The following SPPL3 variants were observed in gnomAD, a reference collection of about 807,000 sequenced individuals.
SPPL3 encodes signal peptide peptidase like 3, also known as signal peptide peptidase-like 3.
A neutral mutation model predicts 42.4 loss-of-function variants in SPPL3; 5 were observed. The ratio of observed to expected loss-of-function variants is 0.12; its 90% CI spans 0.06 to 0.25. SPPL3 has a LOEUF of 0.25. Among genes scored for constraint, SPPL3 ranks in the 10% least tolerant of loss-of-function variants. The probability of loss-of-function intolerance (pLI) is 1.00; values close to 1 mark genes in which losing one functional copy is unlikely to be tolerated. For missense variants in SPPL3, 235 were observed against 489.0 expected, an observed-to-expected ratio of 0.48 and a Z score of 4.90; for synonymous variants, 195 against 181.8, an observed-to-expected ratio of 1.07 and a Z score of -0.58.
At chr12:120,803,699 C>T (rs905176026) in intron 2 of SPPL3, among the ~76,000 whole-genome samples, 1 of 152,052 alleles carries the variant, frequency 6.6e-6, no homozygotes, top group Admixed American at 6.6e-5. Context: ...TCCTAGAAAA[C>T]TTACAGTGGT....
chr12:120,788,221 G>A (rs1190637759), intron 3 of SPPL3, among the ~76,000 whole-genome samples: 1 of 152,224 alleles, frequency 6.6e-6, no homozygotes, highest in East Asian at 1.9e-4. Flanking sequence ...TGGTGGGCAT[G>A]TAGTGCTTTT....
intron 1 of SPPL3, chr12:120,845,374 C>T (rs1871988711): frequency 1.6e-5 from 6 of 365,634 alleles, no homozygotes; most frequent in South Asian, 1.4e-4. Context: ...TCTGTCAGTG[C>T]TGTCCACTAC....
chr12:120,889,402 C>T (rs1162757012), intron 1 of SPPL3, among the ~76,000 whole-genome samples: 3 of 152,206 alleles, frequency 2.0e-5, no homozygotes, highest in Admixed American at 6.5e-5. Context: ...GGCTCCTTGA[C>T]TTTGGCTTCA....
At chr12:120,860,519 AG>A (rs1872592290) in intron 1 of SPPL3, among the ~76,000 whole-genome samples, 1 of 152,232 alleles carries the variant, frequency 6.6e-6, no homozygotes, top group African/African-American at 2.4e-5. Context: ...ATCCATGTCA[AG>A]GTAAGTGCAA....
intron 6 of SPPL3, among the ~76,000 whole-genome samples, chr12:120,781,947 A>C (rs1363010406): frequency 2.6e-5 from 4 of 151,216 alleles, no homozygotes; most frequent in Admixed American, 2.6e-4. Flanking sequence ...GCATGATCAT[A>C]GCTCTCTGTA....
intron 6 of SPPL3, 102 bp downstream of exon 6, chr12:120,782,553 A>G (rs1034199184): frequency 6.5e-6 from 6 of 923,668 alleles, no homozygotes; most frequent in Non-Finnish European, 9.7e-6. Flanking sequence ...AAATGCTCTA[A>G]AAGTTTATTG....
intron 1 of SPPL3, among the ~76,000 whole-genome samples, chr12:120,865,103 T>C (rs1446479529): frequency 6.6e-6 from 1 of 152,166 alleles, no homozygotes; most frequent in Admixed American, 6.5e-5. Context: ...TCCAGGGAAA[T>C]AGGGGCCACA....
In SPPL3 at chr12:120,782,673, G is replaced by T; in HGVS notation, c.484C>A (p.His162Asn). The change falls in exon 6 of 11, where the codon CAT becomes AAT. Residue 162 changes from histidine to asparagine, a missense_variant. His to Asn is a moderately conservative substitution (Grantham distance 68). Around this residue, in one of 6 missense-constraint regions of SPPL3, gnomAD observed 18 missense variants for 86.9 expected, o/e 0.21. Transcript: ENST00000353487. Reference sequence around the variant, plus strand: ...CACTCACCATCCATGAGAAGCCAATGGCCAGTGAGAACCCAGATGAGGACG... The same window carrying T: ...CACTCACCATCCATGAGAAGCCAATTGCCAGTGAGAACCCAGATGAGGACG... ...MLVLIWVLTG[H>N]WLLMDALAMG... 1 of 1,610,988 alleles carries T rather than the reference G, an allele frequency of 6.2e-7. No homozygotes were observed.
intron 1 of SPPL3, among the ~76,000 whole-genome samples, chr12:120,881,800 C>CAA (rs35054814): frequency 4.4e-4 from 64 of 144,366 alleles, no homozygotes; most frequent in Admixed American, 7.6e-4. Flanking sequence ...AAGCCAATAA[C>CAA]AAAAAAAAAA....
At chr12:120,895,591 C>CGCTG (rs1555254896) in intron 1 of SPPL3, among the ~76,000 whole-genome samples, 15 of 152,242 alleles carry the variant, frequency 9.9e-5, no homozygotes, top group African/African-American at 3.6e-4. Flanking sequence ...AAAGTTTAAG[C>CGCTG]GCTGGCTAAA....
At position 120,788,620 on chromosome 12, in the gene SPPL3, CCCCA is replaced by C. The variant is rs1312602665; in HGVS notation, c.190+2845_190+2848del. Among the ~76,000 whole-genome samples the C allele has an allele frequency of 3.3e-5, 5 of 152,242 alleles. No homozygotes were observed. In the South Asian group the frequency reaches 1.0e-3, roughly 32 times the overall value. ...GTAAGAGTAACCCTTCACCCACGTA[CCCCA>C]CCAATGATGCTGGCTACACCTACAA... On this transcript the variant is annotated intron_variant, in intron 3 of 10. Transcript: ENST00000353487.
chr12:120,835,348 A>G (rs937092741), intron 1 of SPPL3: 2 of 152,268 alleles, frequency 1.3e-5, no homozygotes, highest in Non-Finnish European at 2.9e-5. Flanking sequence ...CTCTCTAAGC[A>G]TGTAGCCCTT....
At chr12:120,770,366 T>C (rs921156074) in intron 6 of SPPL3, among the ~76,000 whole-genome samples, 1 of 152,186 alleles carries the variant, frequency 6.6e-6, no homozygotes, top group Non-Finnish European at 1.5e-5. Context: ...ACTGGAGTCA[T>C]CTGGATTTTT....
At chr12:120,774,867 C>T (rs1869256158) in intron 6 of SPPL3, among the ~76,000 whole-genome samples, 1 of 152,122 alleles carries the variant, frequency 6.6e-6, no homozygotes, top group African/African-American at 2.4e-5. Context: ...ACACACTTAA[C>T]TTTTGGTTAA....
At chr12:120,805,223 T>C (rs950387784) in intron 2 of SPPL3, among the ~76,000 whole-genome samples, 2 of 152,234 alleles carry the variant, frequency 1.3e-5, no homozygotes, top group Non-Finnish European at 2.9e-5. Context: ...CCAAACTTTA[T>C]GGTATTTATC....
intron 1 of SPPL3, among the ~76,000 whole-genome samples, chr12:120,829,131 C>T (rs1205283949): frequency 6.6e-6 from 1 of 152,106 alleles, no homozygotes; most frequent in Non-Finnish European, 1.5e-5. Flanking sequence ...AAACAAAAAG[C>T]CTCACACTGT....
intron 2 of SPPL3, among the ~76,000 whole-genome samples, chr12:120,809,070 G>A (rs1364084654): frequency 6.6e-6 from 1 of 152,216 alleles, no homozygotes; most frequent in South Asian, 2.1e-4. Context: ...TTTTGGCTGG[G>A]CGCAGTGGCT....
At chr12:120,830,608 G>GAGAGAGAGAAT in intron 1 of SPPL3, among the ~76,000 whole-genome samples, 1 of 61,828 alleles carries the variant, frequency 1.6e-5, no homozygotes, top group Non-Finnish European at 3.4e-5. Context: ...AGAGAGAGAA[G>GAGAGAGAGAAT]GTGTACATGC....
chr12:120,815,267 C>T (rs1870829577), intron 1 of SPPL3, among the ~76,000 whole-genome samples: 2 of 152,162 alleles, frequency 1.3e-5, no homozygotes, highest in Non-Finnish European at 2.9e-5. Flanking sequence ...CTCCTACTTT[C>T]CAAAGTGAGT....
Sources: gnomAD v4.1 joint callset for allele counts (sites outside exome capture counted in the v4.1 genomes callset) on GRCh38, gnomAD v4.1.1 for gene constraint, gnomAD v4.1.1 regional missense constraint, MANE v1.5 for transcripts, NCBI Gene and HGNC (gene_info 2026-07-23, HGNC 2026-07-21) for gene names.